KCNMB2: variants seen among roughly 807,000 people sequenced by gnomAD.
KCNMB2 encodes potassium calcium-activated channel subfamily M regulatory beta subunit 2.
In KCNMB2, 9 loss-of-function variants were observed where a neutral mutation model predicts 24.5. The ratio of observed to expected loss-of-function variants is 0.37; its 90% CI spans 0.22 to 0.64. The LOEUF is 0.64. Ranked by LOEUF, KCNMB2 falls within the 30% of genes least tolerant of loss-of-function variation. The pLI, the probability that KCNMB2 is intolerant of heterozygous loss-of-function variation, is 0.63. For missense variants in KCNMB2, 226 were observed against 284.3 expected (o/e 0.79, Z 1.47); for synonymous variants, 109 against 104.4 (o/e 1.04, Z -0.27).
At chr3:178,543,039 T>C (rs978304481) in intron 1 of KCNMB2, among the ~76,000 whole-genome samples, 4 of 152,240 alleles carry the variant, frequency 2.6e-5, no homozygotes, top group African/African-American at 9.6e-5. Flanking sequence ...ACTATTATCA[T>C]CTAAGATGAA....
chr3:178,804,660 T>G (rs1166239216), intron 1 of KCNMB2, among the ~76,000 whole-genome samples: 1 of 152,194 alleles, frequency 6.6e-6, no homozygotes, highest in Non-Finnish European at 1.5e-5. Flanking sequence ...TGTATTGAAA[T>G]CACTGCAGCT....
chr3:178,766,407 T>A (rs973013321), intron 1 of KCNMB2, among the ~76,000 whole-genome samples: 2 of 152,176 alleles, frequency 1.3e-5, no homozygotes, highest in Non-Finnish European at 2.9e-5. Flanking sequence ...TTGCCCAGGC[T>A]GATCTAGAAA....
At chr3:178,549,208 G>C (rs1452767246) in intron 1 of KCNMB2, among the ~76,000 whole-genome samples, 3 of 152,006 alleles carry the variant, frequency 2.0e-5, no homozygotes, top group African/African-American at 7.2e-5. Flanking sequence ...AGCATGAAGA[G>C]AGAGAAGAAT....
At chr3:178,750,844 C>T (rs145407450) in intron 1 of KCNMB2, among the ~76,000 whole-genome samples, 17 of 151,650 alleles carry the variant, frequency 1.1e-4, no homozygotes, top group African/African-American at 4.2e-4. Flanking sequence ...GTTACTTCCT[C>T]ATCAACTCCA....
chr3:178,648,311 G>A (rs1310869622), intron 1 of KCNMB2, among the ~76,000 whole-genome samples: 1 of 152,196 alleles, frequency 6.6e-6, no homozygotes, highest in Non-Finnish European at 1.5e-5. Flanking sequence ...ACTGAGGCAA[G>A]AGGATCACCT....
At chr3:178,693,155 A>T (rs116699028) in intron 1 of KCNMB2, among the ~76,000 whole-genome samples, 2,091 of 152,308 alleles carry the variant, frequency 0.014, 16 homozygotes, top group Non-Finnish European at 0.02. Flanking sequence ...TTAGGCTGAG[A>T]CTATGGGGTT....
intron 1 of KCNMB2, among the ~76,000 whole-genome samples, chr3:178,728,271 C>T (rs907635119): frequency 6.6e-6 from 1 of 152,066 alleles, no homozygotes; most frequent in Non-Finnish European, 1.5e-5. Context: ...TGGACCCTAA[C>T]AGTATTCACA....
chr3:178,807,904 AAAAT>A (rs1268539550), intron 2 of KCNMB2, among the ~76,000 whole-genome samples: 1 of 151,534 alleles, frequency 6.6e-6, no homozygotes, highest in Non-Finnish European at 1.5e-5. Context: ...TTAACAACAA[AAAAT>A]AATAAAAATA....
intron 1 of KCNMB2, among the ~76,000 whole-genome samples, chr3:178,657,054 A>G (rs750115487): frequency 6.6e-6 from 1 of 152,172 alleles, no homozygotes; most frequent in Non-Finnish European, 1.5e-5. Context: ...TCTGTCTCTC[A>G]GTACCTCAGT....
chr3:178,828,711 T>A (rs1714936258), intron 4 of KCNMB2, among the ~76,000 whole-genome samples: 2 of 152,184 alleles, frequency 1.3e-5, no homozygotes, highest in Non-Finnish European at 2.9e-5. Context: ...CATGTGTTTG[T>A]CCTGTACCTG....
chr3:178,823,343 A>G (rs899356709), intron 2 of KCNMB2, among the ~76,000 whole-genome samples: 3 of 152,144 alleles, frequency 2.0e-5, no homozygotes, highest in African/African-American at 7.2e-5. Context: ...TCTGGCAATG[A>G]CCATGAGCAG....
chr3:178,614,288 T>TATATAC (rs1718617445), intron 1 of KCNMB2, among the ~76,000 whole-genome samples: 3 of 115,972 alleles, frequency 2.6e-5, no homozygotes, highest in African/African-American at 9.6e-5. Context: ...TATATATATA[T>TATATAC]ATATATATGT....
intron 1 of KCNMB2, among the ~76,000 whole-genome samples, chr3:178,729,792 GT>G (rs1723084759): frequency 6.6e-6 from 1 of 152,062 alleles, no homozygotes; most frequent in African/African-American, 2.4e-5. Flanking sequence ...AGATGGTTTG[GT>G]TTTTCTGTCT....
At chr3:178,633,363 G>C (rs1244215249) in intron 1 of KCNMB2, among the ~76,000 whole-genome samples, 1 of 152,214 alleles carries the variant, frequency 6.6e-6, no homozygotes, top group Non-Finnish European at 1.5e-5. Flanking sequence ...CTTCTGACTG[G>C]ACATACAGGC....
rs1719606969 is a variant in KCNMB2, at chr3:178,638,450, G to A, written c.-68+101739G>A. 2.0e-5 allele frequency among the ~76,000 whole-genome samples: 3 copies of A among 151,932 alleles called. No individual in the cohort carries two copies. In the South Asian group the frequency reaches 6.2e-4, roughly 32 times the overall value. ...TCTCTGCATGTCTGAATCTACTCTC[G>A]TATCAAGGCACCAATAAAATGCCAC... On this transcript the variant is annotated intron_variant, in intron 1 of 4. Coordinates refer to ENST00000452583, the MANE Select transcript of KCNMB2 (RefSeq NM_181361.3).
At chr3:178,711,088 A>G (rs1320162817) in intron 1 of KCNMB2, among the ~76,000 whole-genome samples, 1 of 152,150 alleles carries the variant, frequency 6.6e-6, no homozygotes, top group Non-Finnish European at 1.5e-5. Flanking sequence ...CTTTGCATCA[A>G]TTCTCATAAA....
chr3:178,838,112 C>T (rs150460949), intron 4 of KCNMB2, among the ~76,000 whole-genome samples: 2 of 152,180 alleles, frequency 1.3e-5, no homozygotes, highest in East Asian at 3.9e-4. Context: ...TTTTTAAATG[C>T]TTTGGTTCAA....
chr3:178,639,864 T>C, intron 1 of KCNMB2, among the ~76,000 whole-genome samples: 1 of 152,256 alleles, frequency 6.6e-6, no homozygotes, highest in East Asian at 1.9e-4. Flanking sequence ...AATCAAGTTC[T>C]TAGTTTGCAT....
chr3:178,816,835 G>A (rs1057246413), intron 2 of KCNMB2, among the ~76,000 whole-genome samples: 2 of 151,986 alleles, frequency 1.3e-5, no homozygotes, highest in Non-Finnish European at 2.9e-5. Context: ...AAATAATGTG[G>A]TCAATAAAAA....
Sources: gnomAD v4.1 joint callset for allele counts (sites outside exome capture counted in the v4.1 genomes callset) on GRCh38, gnomAD v4.1.1 for gene constraint, MANE v1.5 for transcripts, NCBI Gene and HGNC (gene_info 2026-07-23, HGNC 2026-07-21) for gene names.